The following OPHN1 variants were observed in gnomAD, a reference collection of about 807,000 sequenced individuals.
OPHN1 encodes the protein oligophrenin-1.
Under a neutral mutation model 60.7 loss-of-function variants are expected in OPHN1, and 11 were observed. That is an observed-to-expected ratio of 0.18 (90% CI 0.11 to 0.30). The LOEUF is 0.30. Among genes scored for constraint, OPHN1 ranks in the 10% least tolerant of loss-of-function variants. OPHN1 has a pLI of 1.00. For synonymous variants in OPHN1, 226 were observed against 222.6 expected, an observed-to-expected ratio of 1.02 and a Z score of -0.14; for missense variants, 449 against 611.0, an observed-to-expected ratio of 0.73 and a Z score of 2.80.
intron 15 of OPHN1, among the ~76,000 whole-genome samples, chrX:68,141,064 G>T (rs2077240552): frequency 8.9e-6 from 1 of 111,894 alleles, no homozygotes; most frequent in African/African-American, 3.3e-5. Context: ...AAGGGCAGGT[G>T]CAGGAGCCTG....
At chrX:68,317,376 AAAGGAAGG>A (rs771749142) in intron 2 of OPHN1, among the ~76,000 whole-genome samples, 65 of 50,573 alleles carry the variant, frequency 1.3e-3, no homozygotes, top group Non-Finnish European at 1.8e-3. Flanking sequence ...AGAAAGAAAG[AAAGGAAGG>A]AAGGAAGGAA....
chrX:68,278,488 A>G (rs1301434009), intron 4 of OPHN1, among the ~76,000 whole-genome samples: 2 of 112,982 alleles, frequency 1.8e-5, no homozygotes, highest in Non-Finnish European at 3.7e-5. Flanking sequence ...ATCCTATTGA[A>G]TAAAGGCCAA....
intron 3 of OPHN1, among the ~76,000 whole-genome samples, chrX:68,290,154 G>C (rs1272576232): frequency 9.0e-6 from 1 of 111,223 alleles, no homozygotes; most frequent in Non-Finnish European, 1.9e-5. Context: ...AGTCAAAAAT[G>C]AAATGATTTA....
intron 2 of OPHN1, among the ~76,000 whole-genome samples, chrX:68,354,553 T>C (rs1602349359): frequency 1.0e-5 from 1 of 98,824 alleles, no homozygotes; most frequent in Admixed American, 1.1e-4. Context: ...CGGTCAGGAG[T>C]TTGAGACCAG....
chrX:68,052,518 T>C (rs773380842), intron 23 of OPHN1, 22 bp downstream of exon 23: 31 of 1,195,164 alleles, frequency 2.6e-5, no homozygotes, highest in Non-Finnish European at 3.4e-5. Context: ...TTGGTTTTTC[T>C]TTTGTCACCT....
chrX:68,220,375 C>T (rs1199414346), intron 6 of OPHN1, among the ~76,000 whole-genome samples: 15 of 111,149 alleles, frequency 1.3e-4, no homozygotes, highest in Non-Finnish European at 7.6e-5. Flanking sequence ...GGTACTATTC[C>T]TTCTGAAACT....
chrX:68,370,988 A>C (rs989270318), intron 2 of OPHN1, among the ~76,000 whole-genome samples: 1 of 111,348 alleles, frequency 9.0e-6, no homozygotes, highest in Non-Finnish European at 1.9e-5. Flanking sequence ...AGAAAACAAA[A>C]ACCAAAATGT....
chrX:68,051,180 A>G (rs2076850210), intron 23 of OPHN1, among the ~76,000 whole-genome samples: 1 of 111,346 alleles, frequency 9.0e-6, no homozygotes, highest in African/African-American at 3.3e-5. Context: ...TCTGCTTTTA[A>G]CTGACCACCT....
intron 2 of OPHN1, among the ~76,000 whole-genome samples, chrX:68,421,766 G>A (rs1443675381): frequency 9.0e-6 from 1 of 111,554 alleles, no homozygotes; most frequent in Admixed American, 9.6e-5. Context: ...GCACTATAGT[G>A]CTGGACTTAC....
intron 2 of OPHN1, among the ~76,000 whole-genome samples, chrX:68,395,486 C>A (rs2078678848): frequency 9.5e-6 from 1 of 104,858 alleles, no homozygotes; most frequent in Non-Finnish European, 1.9e-5. Context: ...TCACTCTTAT[C>A]ACCCAGGCTA....
chrX:68,375,856 G>A (rs1024206479), intron 2 of OPHN1, among the ~76,000 whole-genome samples: 65 of 111,232 alleles, frequency 5.8e-4, no homozygotes, highest in East Asian at 8.5e-4. Context: ...TTATGGATGA[G>A]AAAACTGAGG....
In OPHN1 at chrX:68,070,762, C is replaced by G. The variant is rs1300998934; in HGVS notation, c.1834+2390G>C. On this transcript the variant is annotated intron_variant, in intron 20 of 24. Transcript: ENST00000355520. The stretch of plus-strand genomic sequence containing the variant: ...TCCCATTCAAATACCCCCCACAGGA[C>G]CATTCCACACAATCTGCTTAGCCCA... The G allele has an allele frequency of 2.6e-6, 3 of 1,140,955 alleles. No homozygotes were observed. The African/African-American group carries it at 5.4e-5, about 21-fold the overall frequency. The allele number at this position is 1,140,955 out of a possible 1,213,427, so 94.0% of individuals were successfully genotyped here.
intron 2 of OPHN1, among the ~76,000 whole-genome samples, chrX:68,324,728 G>A (rs1393686732): frequency 3.6e-5 from 4 of 110,451 alleles, no homozygotes; most frequent in African/African-American, 1.3e-4. Flanking sequence ...AAGAAAAAAT[G>A]TGCATGAATT....
At chrX:68,303,809 T>C (rs2078132590) in intron 2 of OPHN1, among the ~76,000 whole-genome samples, 1 of 111,033 alleles carries the variant, frequency 9.0e-6, no homozygotes, top group South Asian at 3.8e-4. Context: ...AAATACCACA[T>C]GCTCTTACTC....
At chrX:68,142,577 A>T (rs1435805834) in intron 15 of OPHN1, among the ~76,000 whole-genome samples, 2 of 111,771 alleles carry the variant, frequency 1.8e-5, no homozygotes, top group African/African-American at 6.5e-5. Flanking sequence ...TCTGGCAATC[A>T]CTCTAAATAG....
At chrX:68,215,944 G>C (rs766639076) in intron 6 of OPHN1, among the ~76,000 whole-genome samples, 1 of 111,617 alleles carries the variant, frequency 9.0e-6, no homozygotes, top group East Asian at 2.8e-4. Flanking sequence ...AAGAGCACTA[G>C]AAAAGAAATA....
rs746217173 is a variant in OPHN1, at chrX:68,053,633, A to G, written c.2324+12T>C. The G allele has an allele frequency of 9.9e-6, 12 of 1,210,294 alleles. No homozygotes were observed. Among genetic ancestry groups the G allele is most frequent in the Middle Eastern group, 2.3e-4 (1 of 4,351 alleles). On this transcript the variant is annotated intron_variant, in intron 22 of 24. Transcript: ENST00000355520. ...AGGACTTCAGTCAACTTTGAGGTACAACCCTACTTACACAGATGATGTGAT... is the reference window on the plus strand; with the variant it reads ...AGGACTTCAGTCAACTTTGAGGTACGACCCTACTTACACAGATGATGTGAT...
rs1212412165 is a variant in OPHN1 at position 68,043,818 on chromosome X, AC to A, written c.*3353del. 2 of 111,823 alleles carry A rather than the reference AC, an allele frequency of 1.8e-5. No homozygotes were observed. The highest frequency in any genetic ancestry group is 3.8e-5 in the Non-Finnish European group (2 of 53,220). 9.2% of individuals were successfully genotyped at this position (111,823 alleles called of 1,213,427 possible). A position where few individuals can be genotyped will look rare whatever the true frequency, so the allele number is the denominator to read the frequency against. On this transcript the variant is annotated 3_prime_UTR_variant, in exon 25 of 25. Transcript: ENST00000355520. ...CCACAGAAAAATTTGTAGAGATTTGACCCCAATACATCAAGTACTGCAGAGG... is the reference window on the plus strand; with the variant it reads ...CCACAGAAAAATTTGTAGAGATTTGACCCAATACATCAAGTACTGCAGAGG...
intron 2 of OPHN1, among the ~76,000 whole-genome samples, chrX:68,414,789 C>T (rs1177461141): frequency 1.8e-5 from 2 of 111,581 alleles, no homozygotes; most frequent in Non-Finnish European, 3.8e-5. Flanking sequence ...TGTGCTAAGC[C>T]TTCCCATTAC....
Sources: allele counts gnomAD v4.1 joint callset (sites outside exome capture counted in the v4.1 genomes callset), GRCh38; gene constraint gnomAD v4.1.1; transcripts MANE v1.5; gene names NCBI Gene and HGNC (gene_info 2026-07-23, HGNC 2026-07-21).